The following MSI2 variants were observed in gnomAD, a reference collection of about 807,000 sequenced individuals.
MSI2 encodes the protein RNA-binding protein Musashi homolog 2.
In MSI2, 17 loss-of-function variants were observed where a neutral mutation model predicts 45.6. That is an observed-to-expected ratio of 0.37 (90% CI 0.26 to 0.56). The LOEUF is 0.56. MSI2 is among the 20% of genes least tolerant of loss of function. The pLI is 0.77. For missense variants in MSI2, 293 were observed against 444.2 expected (o/e 0.66, Z 3.06); for synonymous variants, 156 against 158.2 (o/e 0.99, Z 0.11).
chr17:57,413,514 T>C (rs765094637), intron 6 of MSI2, among the ~76,000 whole-genome samples: 10 of 151,948 alleles, frequency 6.6e-5, no homozygotes, highest in Non-Finnish European at 1.3e-4. Flanking sequence ...TAATTAAACT[T>C]TTTTTGGTAA....
intron 10 of MSI2, among the ~76,000 whole-genome samples, chr17:57,650,206 T>C (rs981998371): frequency 6.6e-6 from 1 of 151,368 alleles, no homozygotes; most frequent in Admixed American, 6.6e-5. Flanking sequence ...CCTCCCCCAC[T>C]TCGTTCCTCT....
intron 5 of MSI2, among the ~76,000 whole-genome samples, chr17:57,282,148 TG>T (rs1020773608): frequency 2.6e-5 from 4 of 152,210 alleles, no homozygotes; most frequent in African/African-American, 9.6e-5. Flanking sequence ...TGTCTTTGCT[TG>T]GGGTGACGGG....
the MSI2 span, among the ~76,000 whole-genome samples, chr17:57,693,978 A>G: frequency 0.64 from 96,988 of 152,166 alleles, 31,540 homozygotes; most frequent in African/African-American, 0.77. Context: ...TAGTAATTAT[A>G]CAACATAAGA....
chr17:57,533,703 GAGAAGCT>G, intron 7 of MSI2, among the ~76,000 whole-genome samples: 1 of 152,326 alleles, frequency 6.6e-6, no homozygotes, highest in South Asian at 2.1e-4. Flanking sequence ...AGGGCAGAGG[GAGAAGCT>G]GACTTGCGAT....
intron 8 of MSI2, among the ~76,000 whole-genome samples, chr17:57,615,508 G>A (rs1209991834): frequency 6.6e-6 from 1 of 152,198 alleles, no homozygotes; most frequent in African/African-American, 2.4e-5. Flanking sequence ...TTTAATAAGA[G>A]TTTGAATCAG....
At chr17:57,404,070 G>T (rs1415534661) in intron 6 of MSI2, among the ~76,000 whole-genome samples, 1 of 152,156 alleles carries the variant, frequency 6.6e-6, no homozygotes, top group Non-Finnish European at 1.5e-5. Context: ...ATTTAATGAG[G>T]TGTATGCGAG....
At chr17:57,444,146 A>G (rs1306801681) in intron 6 of MSI2, among the ~76,000 whole-genome samples, 1 of 152,184 alleles carries the variant, frequency 6.6e-6, no homozygotes, top group Non-Finnish European at 1.5e-5. Context: ...CAAGATTACC[A>G]AGGCCTGAGT....
In MSI2 at chr17:57,576,740, G is replaced by A. The variant is rs191624253; in HGVS notation, c.455-20128G>A. 1.5e-4 allele frequency among the ~76,000 whole-genome samples: 21 copies of A among 137,798 alleles called. No homozygotes were observed. In the East Asian group the frequency reaches 3.2e-3, roughly 21 times the overall value. 90.4% of individuals were successfully genotyped at this position (137,798 alleles called of 152,430 possible). The stretch of plus-strand genomic sequence containing the variant: ...TGCCCTCCAGCCTGGGTGACAGAGC[G>A]AGAATCTGTCTTTAAAAAAAAAAAA... On this transcript the variant is annotated intron_variant, in intron 7 of 13. Transcript: ENST00000284073.
chr17:57,542,072 T>C (rs2087060881), intron 7 of MSI2, among the ~76,000 whole-genome samples: 1 of 152,164 alleles, frequency 6.6e-6, no homozygotes, highest in Admixed American at 6.5e-5. Context: ...ACATCATCTA[T>C]TCGGGACCCA....
At chr17:57,575,376 G>A (rs191535514) in intron 7 of MSI2, among the ~76,000 whole-genome samples, 92 of 152,210 alleles carry the variant, frequency 6.0e-4, no homozygotes, top group Middle Eastern at 3.4e-3. Flanking sequence ...TCTAGGTGGC[G>A]GCTCAATGGG....
chr17:57,256,714 T>TG lies in MSI2; in HGVS notation c.-24dup, dbSNP rs774086118. 2.0e-6 allele frequency: 1 copy of TG among 511,562 alleles called. No homozygotes were observed. Among genetic ancestry groups the TG allele is most frequent in the Non-Finnish European group, 2.4e-6 (1 of 415,006 alleles). 31.7% of individuals were successfully genotyped at this position (511,562 alleles called of 1,614,324 possible). On this transcript the variant is annotated 5_prime_UTR_variant, in exon 1 of 14. Transcript: ENST00000284073. Reference sequence around the variant, plus strand: ...CCGATCGCTGTGGGGCTTGGTTTTTTGGGGGTGGGGGGGCGGGGGGGCTCA... The same window carrying TG: ...CCGATCGCTGTGGGGCTTGGTTTTTTGGGGGGTGGGGGGGCGGGGGGGCTCA...
At chr17:57,485,238 C>A (rs1204258638) in intron 6 of MSI2, among the ~76,000 whole-genome samples, 1 of 152,226 alleles carries the variant, frequency 6.6e-6, no homozygotes, top group Non-Finnish European at 1.5e-5. Flanking sequence ...ACAGGCCACA[C>A]TGTTGCTTTT....
chr17:57,527,058 G>C (rs1176919888), intron 6 of MSI2, among the ~76,000 whole-genome samples: 5 of 152,068 alleles, frequency 3.3e-5, no homozygotes, highest in Admixed American at 3.3e-4. Flanking sequence ...TTGAAAATAC[G>C]TTTTAAAAAA....
At chr17:57,629,576 C>G (rs2333025) in intron 10 of MSI2, 2 of 152,160 alleles carry the variant, frequency 1.3e-5, no homozygotes, top group Admixed American at 6.5e-5. Context: ...AAATTTCTTA[C>G]GGGCTGGTGC....
intron 5 of MSI2, among the ~76,000 whole-genome samples, chr17:57,381,337 AT>A (rs761096184): frequency 2.0e-4 from 31 of 152,044 alleles, no homozygotes; most frequent in Admixed American, 2.0e-4. Context: ...GAGTGCGGGG[AT>A]TATAGGCGTG....
intron 5 of MSI2, among the ~76,000 whole-genome samples, chr17:57,326,599 A>G (rs1330861941): frequency 2.6e-5 from 4 of 152,176 alleles, no homozygotes; most frequent in Non-Finnish European, 5.9e-5. Context: ...ACCCAGTGAG[A>G]CTGTCTTGGT....
At chr17:57,631,699 T>C in intron 10 of MSI2, 1 of 1,082,728 alleles carries the variant, frequency 9.2e-7, no homozygotes, top group South Asian at 1.4e-5. Context: ...TGGGTTGTGA[T>C]CAGGGATCTC....
Position 57,585,753 on chromosome 17 carries a change from T to C in MSI2, c.455-11115T>C, listed in dbSNP as rs570798414. Among the ~76,000 whole-genome samples, 415 of 152,336 alleles carry C rather than the reference T, an allele frequency of 2.7e-3. 6 individuals are homozygous for C. Among genetic ancestry groups the C allele is most frequent in the Middle Eastern group, 3.4e-3 (1 of 294 alleles). ...CTTCCAGCTGATACCCCATCTCCCC[T>C]GAGCTCAGAAAGCCCTGAGTTGAGA... On this transcript the variant is annotated intron_variant, in intron 7 of 13. Coordinates refer to ENST00000284073, the MANE Select transcript of MSI2 (RefSeq NM_138962.4).
At chr17:57,261,383 A>G (rs867432467) in intron 4 of MSI2, among the ~76,000 whole-genome samples, 36 of 151,398 alleles carry the variant, frequency 2.4e-4, no homozygotes, top group Middle Eastern at 6.9e-3. Context: ...TGCCCTCCCC[A>G]TGATGGGATT....
Sources: gnomAD v4.1 joint callset for allele counts (sites outside exome capture counted in the v4.1 genomes callset) on GRCh38, gnomAD v4.1.1 for gene constraint, MANE v1.5 for transcripts, NCBI Gene and HGNC (gene_info 2026-07-23, HGNC 2026-07-21) for gene names.